Variants in SPATA16 observed in about 807,000 individuals in gnomAD.
SPATA16 encodes the protein spermatogenesis associated 16, also known as spermatogenesis-associated protein 16.
SPATA16 carries 36 observed loss-of-function variants against 63.3 expected under a neutral mutation model. The observed-to-expected ratio is 0.57, with a 90% CI of 0.44 to 0.75. The LOEUF (loss-of-function observed/expected upper bound fraction) is 0.75, where lower values mean the gene tolerates loss of function less well. Ranked by LOEUF, SPATA16 falls within the 30% of genes least tolerant of loss-of-function variation. SPATA16 has a pLI of 0.00. For synonymous variants in SPATA16, 203 were observed against 216.7 expected (o/e 0.94, Z 0.56); for missense variants, 646 against 679.3 (o/e 0.95, Z 0.54).
chr3:173,107,455 AT>A lies in SPATA16; in HGVS notation c.612+9664del, dbSNP rs35351688. ...GTGTGATGAAAATCTCTCTCTCTCT[AT>A]TTTTTTTTTTTTTTACTCCCTAAGT... On this transcript the variant is annotated intron_variant, in intron 2 of 10. Coordinates refer to ENST00000351008, the MANE Select transcript of SPATA16 (RefSeq NM_031955.6). 3.4e-3 allele frequency among the ~76,000 whole-genome samples: 487 copies of A among 143,176 alleles called. 1 individual carries two copies. Among genetic ancestry groups the A allele is most frequent in the Middle Eastern group, 3.7e-3 (1 of 272 alleles). 93.9% of individuals were successfully genotyped at this position (143,176 alleles called of 152,430 possible).
intron 3 of SPATA16, among the ~76,000 whole-genome samples, chr3:173,035,937 C>T (rs1421576819): frequency 6.6e-6 from 1 of 150,984 alleles, no homozygotes; most frequent in East Asian, 1.9e-4. Context: ...GTATTCTTTA[C>T]CATTATGGAC....
intron 4 of SPATA16, among the ~76,000 whole-genome samples, chr3:173,011,731 A>G (rs1735078507): frequency 6.6e-6 from 1 of 152,210 alleles, no homozygotes; most frequent in Non-Finnish European, 1.5e-5. Flanking sequence ...GAACTGATAA[A>G]TGACTTCAGT....
chr3:173,004,575 G>C (rs775304069), intron 4 of SPATA16, among the ~76,000 whole-genome samples: 19 of 152,060 alleles, frequency 1.2e-4, no homozygotes, highest in Non-Finnish European at 2.5e-4. Context: ...GAATAAGTTG[G>C]GGTTTAATAG....
intron 1 of SPATA16, among the ~76,000 whole-genome samples, chr3:173,140,855 C>A (rs180693858): frequency 4.1e-3 from 617 of 152,212 alleles, no homozygotes; most frequent in Non-Finnish European, 4.3e-3. Context: ...TAGGGTGACC[C>A]GGTGCAGCGG....
intron 10 of SPATA16, among the ~76,000 whole-genome samples, chr3:172,913,189 C>A (rs980711017): frequency 6.6e-5 from 10 of 152,108 alleles, no homozygotes; most frequent in Non-Finnish European, 1.3e-4. Flanking sequence ...ACCCCAGTAG[C>A]CAATGATGGG....
intron 2 of SPATA16, among the ~76,000 whole-genome samples, chr3:173,088,048 T>A (rs530241129): frequency 4.9e-5 from 7 of 142,474 alleles, no homozygotes; most frequent in African/African-American, 1.8e-4. Context: ...CTTTCTTTCT[T>A]TCTTTCTTTC....
At chr3:173,077,287 C>A (rs1207780070) in intron 2 of SPATA16, among the ~76,000 whole-genome samples, 1 of 151,834 alleles carries the variant, frequency 6.6e-6, no homozygotes, top group Non-Finnish European at 1.5e-5. Flanking sequence ...AGACTTTCTT[C>A]TTCACTTGAA....
intron 1 of SPATA16, among the ~76,000 whole-genome samples, chr3:173,128,465 A>T (rs1307093211): frequency 2.6e-5 from 4 of 152,188 alleles, no homozygotes; most frequent in Non-Finnish European, 5.9e-5. Context: ...ATGCATCAGA[A>T]TCCCCTGAAG....
At chr3:173,006,142 T>G (rs1734940999) in intron 4 of SPATA16, among the ~76,000 whole-genome samples, 1 of 152,208 alleles carries the variant, frequency 6.6e-6, no homozygotes, top group East Asian at 1.9e-4. Flanking sequence ...TCTTTATTAA[T>G]GTCAGTTTTA....
chr3:173,072,855 C>G (rs1736705586), intron 2 of SPATA16, among the ~76,000 whole-genome samples: 2 of 152,166 alleles, frequency 1.3e-5, no homozygotes, highest in African/African-American at 4.8e-5. Flanking sequence ...TTGGAGGACT[C>G]AGAAGAAGAC....
At chr3:172,952,938 C>CAAAAAA (rs60404306) in intron 6 of SPATA16, among the ~76,000 whole-genome samples, 19 of 77,956 alleles carry the variant, frequency 2.4e-4, no homozygotes, top group Admixed American at 4.2e-4. Context: ...GACTCCATCT[C>CAAAAAA]AAAAAAAAAA....
At chr3:173,029,560 G>A (rs1342212286) in intron 3 of SPATA16, among the ~76,000 whole-genome samples, 2 of 151,970 alleles carry the variant, frequency 1.3e-5, no homozygotes, top group East Asian at 3.9e-4. Context: ...TTTAGAGAAT[G>A]TGAATATTTT....
chr3:173,023,678 G>A (rs529112678), intron 3 of SPATA16, among the ~76,000 whole-genome samples: 24 of 151,322 alleles, frequency 1.6e-4, no homozygotes, highest in African/African-American at 5.6e-4. Context: ...ATATTCTTTT[G>A]TGTCTCCCAG....
chr3:172,931,764 C>A (rs917456498), intron 6 of SPATA16, among the ~76,000 whole-genome samples: 3 of 152,110 alleles, frequency 2.0e-5, no homozygotes, highest in Admixed American at 1.3e-4. Flanking sequence ...TATCTTTGTT[C>A]TTCATTTTGC....
chr3:172,953,082 A>AATTAG (rs1733480334), intron 6 of SPATA16, among the ~76,000 whole-genome samples: 1 of 152,112 alleles, frequency 6.6e-6, no homozygotes, highest in Non-Finnish European at 1.5e-5. Flanking sequence ...TCCATTCCAC[A>AATTAG]ATTAGAGCTT....
intron 10 of SPATA16, among the ~76,000 whole-genome samples, chr3:172,904,695 A>G (rs1222960727): frequency 6.6e-6 from 1 of 152,218 alleles, no homozygotes; most frequent in South Asian, 2.1e-4. Flanking sequence ...CAGAGGAGAA[A>G]GATGTTGGTT....
chr3:173,026,984 G>T (rs909348975), intron 3 of SPATA16, among the ~76,000 whole-genome samples: 1 of 151,774 alleles, frequency 6.6e-6, no homozygotes, highest in African/African-American at 2.4e-5. Context: ...ATTTTGATAA[G>T]TGTATAGAAA....
At chr3:173,066,259 G>C (rs1018854896) in intron 2 of SPATA16, among the ~76,000 whole-genome samples, 2 of 152,228 alleles carry the variant, frequency 1.3e-5, no homozygotes, top group African/African-American at 4.8e-5. Context: ...CATCCTGACA[G>C]AATTCAACAT....
intron 2 of SPATA16, among the ~76,000 whole-genome samples, chr3:173,050,405 T>C (rs1297253350): frequency 6.6e-6 from 1 of 152,106 alleles, no homozygotes; most frequent in Admixed American, 6.6e-5. Context: ...GTTGGATGAA[T>C]GAAATATGTT....
Sources: allele counts gnomAD v4.1 joint callset (sites outside exome capture counted in the v4.1 genomes callset), GRCh38; gene constraint gnomAD v4.1.1; transcripts MANE v1.5; gene names NCBI Gene and HGNC (gene_info 2026-07-23, HGNC 2026-07-21).